The following ZSWIM6 variants were observed in gnomAD, a reference collection of about 807,000 sequenced individuals.
The protein encoded by ZSWIM6 is zinc finger SWIM domain-containing protein 6.
ZSWIM6 carries 9 observed loss-of-function variants against 113.2 expected under a neutral mutation model. The ratio of observed to expected loss-of-function variants is 0.08; its 90% CI spans 0.05 to 0.14. The LOEUF is 0.14. Among genes scored for constraint, ZSWIM6 ranks in the 10% least tolerant of loss-of-function variants. The probability of loss-of-function intolerance (pLI) is 1.00; values close to 1 mark genes in which losing one functional copy is unlikely to be tolerated. For missense variants in ZSWIM6, 1,162 were observed against 1,552.2 expected (o/e 0.75, Z 4.22); for synonymous variants, 611 against 606.5 (o/e 1.01, Z -0.11).
intron 12 of ZSWIM6, among the ~76,000 whole-genome samples, chr5:61,541,568 T>A (rs1454799853): frequency 6.6e-6 from 1 of 152,174 alleles, no homozygotes; most frequent in African/African-American, 2.4e-5. Flanking sequence ...CTGTGTTTAA[T>A]GCTCCAGTCC....
intron 4 of ZSWIM6, among the ~76,000 whole-genome samples, chr5:61,504,390 A>T (rs190471237): frequency 6.6e-6 from 1 of 152,328 alleles, no homozygotes; most frequent in East Asian, 1.9e-4. Context: ...ACTATCATAC[A>T]CAATACAATC....
Position 61,332,479 on chromosome 5 carries a change from C to G in ZSWIM6, c.207C>G (p.Gly69=), listed in dbSNP as rs1385288279. 1 of 1,187,538 alleles carries G rather than the reference C, an allele frequency of 8.4e-7. No homozygotes were observed. Among genetic ancestry groups the G allele is most frequent in the South Asian group, 1.7e-5 (1 of 57,164 alleles). 73.6% of individuals were successfully genotyped at this position (1,187,538 alleles called of 1,614,324 possible). A position where few individuals can be genotyped will look rare whatever the true frequency, so the allele number is the denominator to read the frequency against. ...CGGCGCTGGGGTTGCTGCCGCCGGG[C>G]AAGACCCAGAGCCCCGAGTCGCTGC... is the stretch of plus-strand genomic sequence containing the variant. The part of the protein sequence containing the change: ...GGAALGLLPP[G]KTQSPESLLD... Residue 69 remains glycine, a synonymous_variant, in exon 1 of 14, where the codon GGC becomes GGG. Transcript: ENST00000252744.
chr5:61,521,858 ATAATT>A (rs1749135056), intron 5 of ZSWIM6, among the ~76,000 whole-genome samples: 1 of 152,174 alleles, frequency 6.6e-6, no homozygotes, highest in African/African-American at 2.4e-5. Flanking sequence ...GATCTATTGC[ATAATT>A]TAGTCACTTA....
intron 1 of ZSWIM6, among the ~76,000 whole-genome samples, chr5:61,370,372 A>G (rs1579958105): frequency 6.6e-6 from 1 of 152,208 alleles, no homozygotes; most frequent in Non-Finnish European, 1.5e-5. Flanking sequence ...CATAGTCACT[A>G]TTTTAGTGTT....
intron 2 of ZSWIM6, among the ~76,000 whole-genome samples, chr5:61,488,955 T>C (rs1318890915): frequency 6.6e-6 from 1 of 152,050 alleles, no homozygotes; most frequent in Non-Finnish European, 1.5e-5. Flanking sequence ...CCACTTTGGA[T>C]AAGTTGTCAT....
At chr5:61,352,309 G>T (rs187070350) in intron 1 of ZSWIM6, among the ~76,000 whole-genome samples, 181 of 152,296 alleles carry the variant, frequency 1.2e-3, no homozygotes, top group African/African-American at 4.1e-3. Flanking sequence ...CCATGAGATT[G>T]TAGGCTCCAG....
chr5:61,385,397 C>T (rs1745574019), intron 1 of ZSWIM6, among the ~76,000 whole-genome samples: 1 of 152,150 alleles, frequency 6.6e-6, no homozygotes, highest in South Asian at 2.1e-4. Flanking sequence ...TGAAGCTTAA[C>T]TATTTCAGGG....
chr5:61,358,642 G>A (rs956666998), intron 1 of ZSWIM6, among the ~76,000 whole-genome samples: 2 of 152,174 alleles, frequency 1.3e-5, no homozygotes, highest in African/African-American at 2.4e-5. Context: ...TTGTAAATAG[G>A]TGAGGAACTG....
chr5:61,372,838 TAGC>T (rs1481852161), intron 1 of ZSWIM6, among the ~76,000 whole-genome samples: 1 of 152,202 alleles, frequency 6.6e-6, no homozygotes, highest in Non-Finnish European at 1.5e-5. Flanking sequence ...GTCAGAAAAT[TAGC>T]AGCGTCTTAT....
intron 1 of ZSWIM6, among the ~76,000 whole-genome samples, chr5:61,397,271 G>A (rs1326571709): frequency 6.6e-6 from 1 of 152,178 alleles, no homozygotes; most frequent in African/African-American, 2.4e-5. Flanking sequence ...TTATACAAAT[G>A]TTTTTATGTA....
intron 1 of ZSWIM6, among the ~76,000 whole-genome samples, chr5:61,440,228 A>G (rs993280897): frequency 2.6e-5 from 4 of 152,110 alleles, no homozygotes; most frequent in Admixed American, 6.6e-5. Context: ...TTCCTAATGG[A>G]GGAAGAAAGA....
In ZSWIM6 at chr5:61,332,747, CCGGCCGCAACCTCGG is replaced by C. The variant is rs541338051; in HGVS notation, c.492_506del (p.Thr167_Ala171del). The C allele has an allele frequency of 0.99, 848,346 of 853,266 alleles. 422,692 individuals carry two copies. The highest frequency in any genetic ancestry group is 1 in the Non-Finnish European group (718,586 of 722,028). 52.9% of individuals were successfully genotyped at this position (853,266 alleles called of 1,614,324 possible). A position where few individuals can be genotyped will look rare whatever the true frequency, so the allele number is the denominator to read the frequency against. On this transcript the variant is annotated inframe_deletion, in exon 1 of 14. Coordinates refer to ENST00000252744, the MANE Select transcript of ZSWIM6 (RefSeq NM_020928.2). ...CGGCGGCGGCGGCTCCTCGTCTTCCCCGGCCGCAACCTCGGCGGCCGCAACCTCGGCCGCCGCCGC... is the reference window on the plus strand; with the variant it reads ...CGGCGGCGGCGGCTCCTCGTCTTCCCCGGCCGCAACCTCGGCCGCCGCCGC...
intron 1 of ZSWIM6, among the ~76,000 whole-genome samples, chr5:61,387,689 C>T (rs1288872666): frequency 6.6e-6 from 1 of 151,262 alleles, no homozygotes; most frequent in Non-Finnish European, 1.5e-5. Flanking sequence ...GGCAGATCAC[C>T]TGAGGTCAGG....
intron 1 of ZSWIM6, among the ~76,000 whole-genome samples, chr5:61,364,219 T>C (rs1018303705): frequency 6.6e-6 from 1 of 151,990 alleles, no homozygotes; most frequent in Non-Finnish European, 1.5e-5. Flanking sequence ...CCATAGTTTC[T>C]ATTTCAGAAA....
At position 61,398,912 on chromosome 5, in the gene ZSWIM6, GTTTTTTTTTTTTTTTT is replaced by G. The variant is rs57439648; in HGVS notation, c.676+65977_676+65992del. ...GAAGGAGAGCAAGTTGTGTATAGTT[GTTTTTTTTTTTTTTTT>G]TTTTTTTTTTTTGAGACAGAATCTC... On this transcript the variant is annotated intron_variant, in intron 1 of 13. Coordinates refer to ENST00000252744, the MANE Select transcript of ZSWIM6 (RefSeq NM_020928.2). 3.4e-4 allele frequency among the ~76,000 whole-genome samples: 21 copies of G among 61,786 alleles called. No individual in the cohort carries two copies. The South Asian group carries it at 6.7e-3, about 20-fold the overall frequency. 40.5% of individuals were successfully genotyped at this position (61,786 alleles called of 152,430 possible). A position where few individuals can be genotyped will look rare whatever the true frequency, so the allele number is the denominator to read the frequency against.
intron 1 of ZSWIM6, among the ~76,000 whole-genome samples, chr5:61,469,007 C>T (rs1037471858): frequency 6.6e-6 from 1 of 152,128 alleles, no homozygotes; most frequent in Non-Finnish European, 1.5e-5. Context: ...ACCCCCAGCC[C>T]CCGCCCGCCA....
chr5:61,365,258 A>G (rs1470392801), intron 1 of ZSWIM6, among the ~76,000 whole-genome samples: 1 of 152,042 alleles, frequency 6.6e-6, no homozygotes, highest in Admixed American at 6.6e-5. Context: ...AGGCTGAGGC[A>G]GGAGAATCAG....
intron 1 of ZSWIM6, among the ~76,000 whole-genome samples, chr5:61,426,268 A>G (rs1746460521): frequency 6.6e-6 from 1 of 152,234 alleles, no homozygotes; most frequent in Non-Finnish European, 1.5e-5. Context: ...TAAACCTTCT[A>G]TATTAAAATA....
intron 4 of ZSWIM6, among the ~76,000 whole-genome samples, chr5:61,514,875 A>T (rs1020818220): frequency 5.3e-5 from 8 of 152,100 alleles, no homozygotes; most frequent in Non-Finnish European, 1.2e-4. Flanking sequence ...CAGGGTAATA[A>T]TGCTGGCCTC....
Sources: allele counts gnomAD v4.1 joint callset (sites outside exome capture counted in the v4.1 genomes callset), GRCh38; gene constraint gnomAD v4.1.1; transcripts MANE v1.5; gene names NCBI Gene and HGNC (gene_info 2026-07-23, HGNC 2026-07-21).